Variants in USP4 observed in about 807,000 individuals in gnomAD.
USP4 encodes the protein ubiquitin carboxyl-terminal hydrolase 4.
In USP4, 72 loss-of-function variants were observed where a neutral mutation model predicts 118.2. That is an observed-to-expected ratio of 0.61 (90% CI 0.50 to 0.74). The LOEUF (loss-of-function observed/expected upper bound fraction) is 0.74. Among genes scored for constraint, USP4 ranks in the 30% least tolerant of loss-of-function variants. USP4 has a pLI of 0.00. For synonymous variants in USP4, 415 were observed against 440.4 expected (o/e 0.94, Z 0.72); for missense variants, 1,037 against 1,185.7 (o/e 0.87, Z 1.84).
intron 8 of USP4, among the ~76,000 whole-genome samples, chr3:49,307,997 T>C (rs1025699620): frequency 3.3e-5 from 5 of 151,902 alleles, no homozygotes; most frequent in Non-Finnish European, 5.9e-5. Flanking sequence ...AGAGAGTTCC[T>C]GTCTCTAAGA....
intron 16 of USP4, among the ~76,000 whole-genome samples, chr3:49,285,347 G>A (rs2047081517): frequency 6.6e-6 from 1 of 152,060 alleles, no homozygotes; most frequent in Admixed American, 6.6e-5. Flanking sequence ...CTTATTGCCT[G>A]CAGGCAGTTT....
chr3:49,299,466 C>T (rs1272747394), intron 11 of USP4, among the ~76,000 whole-genome samples: 2 of 151,198 alleles, frequency 1.3e-5, no homozygotes, highest in East Asian at 2.0e-4. Flanking sequence ...AATCTTGGCT[C>T]GCTGCAAGCT....
At chr3:49,286,912 C>T (rs1360482394) in intron 15 of USP4, among the ~76,000 whole-genome samples, 13 of 152,140 alleles carry the variant, frequency 8.5e-5, no homozygotes, top group Middle Eastern at 3.4e-3. Flanking sequence ...TGCAATGGCA[C>T]GATCTCGGCT....
chr3:49,312,825 G>A (rs539249748), intron 6 of USP4: 2 of 152,924 alleles, frequency 1.3e-5, no homozygotes, highest in East Asian at 1.9e-4. Context: ...AACCCCACAA[G>A]GTTCATCTTC....
At chr3:49,297,562 A>G (rs2047222951) in intron 13 of USP4, among the ~76,000 whole-genome samples, 1 of 151,824 alleles carries the variant, frequency 6.6e-6, no homozygotes, top group African/African-American at 2.4e-5. Flanking sequence ...CTCTTAAGAA[A>G]GGCATCTCTG....
intron 6 of USP4, chr3:49,317,248 A>G (rs768271189): frequency 6.5e-7 from 1 of 1,541,466 alleles, no homozygotes; most frequent in South Asian, 1.1e-5. Flanking sequence ...GCAAGAGGCA[A>G]TCTTGCGTGC....
chr3:49,330,995 G>T (rs2047611770), intron 2 of USP4, among the ~76,000 whole-genome samples: 1 of 145,926 alleles, frequency 6.9e-6, no homozygotes, highest in African/African-American at 2.5e-5. Context: ...TCCAGTCTGG[G>T]TGACAGAGCA....
intron 19 of USP4, among the ~76,000 whole-genome samples, chr3:49,282,365 C>A (rs1397052588): frequency 3.4e-4 from 52 of 151,674 alleles, no homozygotes; most frequent in Non-Finnish European, 3.5e-4. Flanking sequence ...ACCTCTGCCT[C>A]TTGGGTTCAA....
At chr3:49,338,383 G>A (rs991972390) in intron 1 of USP4, among the ~76,000 whole-genome samples, 6 of 151,960 alleles carry the variant, frequency 3.9e-5, no homozygotes, top group Admixed American at 1.3e-4. Context: ...TGCTAGGCCG[G>A]GCGCAGTAGC....
chr3:49,313,044 C>T (rs1341555572), intron 6 of USP4, among the ~76,000 whole-genome samples: 1 of 151,404 alleles, frequency 6.6e-6, no homozygotes, highest in Non-Finnish European at 1.5e-5. Context: ...GCGCGTGCCA[C>T]CACACCCAGC....
In USP4 at chr3:49,327,675, A is replaced by G. The variant is rs781220376; in HGVS notation, c.360+11T>C. The stretch of plus-strand genomic sequence containing the variant: ...CAGTGACCAGCAGGTGGGACAATTC[A>G]CATAACTCACTTTTCTGACGATGGG... On this transcript the variant is annotated intron_variant, in intron 3 of 21. Transcript: ENST00000265560. 2 of 1,614,024 alleles carry G rather than the reference A, an allele frequency of 1.2e-6. No individual in the cohort carries two copies. The highest frequency in any genetic ancestry group is 3.3e-5 in the Admixed American group (2 of 60,002).
chr3:49,301,000 G>A (rs1249259293), intron 10 of USP4, among the ~76,000 whole-genome samples: 1 of 152,066 alleles, frequency 6.6e-6, no homozygotes, highest in Admixed American at 6.6e-5. Flanking sequence ...TCAGGCTGGC[G>A]TGATCATGGT....
intron 8 of USP4, among the ~76,000 whole-genome samples, chr3:49,307,064 G>A (rs976506761): frequency 2.6e-5 from 4 of 152,048 alleles, no homozygotes; most frequent in South Asian, 2.1e-4. Flanking sequence ...GAGCCACCGC[G>A]CCCAGCCGGA....
chr3:49,284,736 T>G, intron 17 of USP4, 113 bp downstream of exon 17: 2 of 1,249,436 alleles, frequency 1.6e-6, no homozygotes, highest in Non-Finnish European at 2.3e-6. Context: ...CTTTTCCTTC[T>G]CAGTCTTAAA....
chr3:49,339,261 A>C (rs2047708550), intron 1 of USP4, among the ~76,000 whole-genome samples: 1 of 152,196 alleles, frequency 6.6e-6, no homozygotes, highest in Non-Finnish European at 1.5e-5. Context: ...AGTAGTACAA[A>C]GTATTGTCCC....
intron 9 of USP4, among the ~76,000 whole-genome samples, chr3:49,304,278 T>G (rs1230583098): frequency 1.3e-5 from 2 of 152,174 alleles, no homozygotes; most frequent in African/African-American, 4.8e-5. Context: ...GCTCCATGAA[T>G]CCCAGTGGTA....
chr3:49,308,381 A>G (rs764390882), intron 8 of USP4, among the ~76,000 whole-genome samples: 1 of 152,090 alleles, frequency 6.6e-6, no homozygotes, highest in Non-Finnish European at 1.5e-5. Context: ...GTGTAGTGGC[A>G]TGATCTTGGC....
rs1395031476 is a variant in USP4 at position 49,325,832 on chromosome 3, C to T, written c.374G>A (p.Gly125Asp). The T allele has an allele frequency of 2.5e-6, 4 of 1,613,608 alleles. No homozygotes were observed. In the East Asian group the frequency reaches 8.9e-5, roughly 36 times the overall value. The change falls in exon 4 of 22, where the codon GGC becomes GAC. Residue 125 changes from glycine (G) to aspartate (D), a missense_variant. Physicochemically the swap from Gly to Asp is moderately conservative, Grantham distance 94. Around this residue, in one of 3 missense-constraint regions of USP4, gnomAD observed 487 missense variants for 534.1 expected, o/e 0.91. Transcript: ENST00000265560. Reference protein sequence around the residue: ...QPIVRKVVEHGLFVKHCKVEV... With the variant: ...QPIVRKVVEHDLFVKHCKVEV... The stretch of plus-strand genomic sequence containing the variant: ...GACTTTGCAGTGCTTGACAAACAGG[C>T]CATGCTCCACAACCTATGAACAAGA...
At position 49,300,450 on chromosome 3, in the gene USP4, G is replaced by T; in HGVS notation, c.1512+17C>A. 6.2e-7 allele frequency: 1 copy of T among 1,607,342 alleles called. No individual in the cohort carries two copies. The highest frequency in any genetic ancestry group is 8.5e-7 in the Non-Finnish European group (1 of 1,173,896). ...CACTTGCAGTGAGGGGTGCCATAAG[G>T]GTGTGGATTCTGTCACCTGAGTAGG... On this transcript the variant is annotated intron_variant, in intron 11 of 21. Transcript: ENST00000265560.
Sources: gnomAD v4.1 joint callset for allele counts (sites outside exome capture counted in the v4.1 genomes callset) on GRCh38, gnomAD v4.1.1 for gene constraint, gnomAD v4.1.1 regional missense constraint, MANE v1.5 for transcripts, NCBI Gene and HGNC (gene_info 2026-07-23, HGNC 2026-07-21) for gene names.